The following ANKRD53 variants were observed in gnomAD, a reference collection of about 807,000 sequenced individuals.
ANKRD53 encodes ankyrin repeat domain-containing protein 53.
In ANKRD53, 27 loss-of-function variants were observed where a neutral mutation model predicts 30.1. The observed-to-expected ratio is 0.90, with a 90% CI of 0.66 to 1.24. ANKRD53 has a LOEUF of 1.24. Ranked by LOEUF, ANKRD53 falls within the 50% of genes most tolerant of loss-of-function variation. The probability of loss-of-function intolerance (pLI) is 0.00; values close to 1 mark genes in which losing one functional copy is unlikely to be tolerated. For missense variants in ANKRD53, 682 were observed against 721.0 expected, an observed-to-expected ratio of 0.95 and a Z score of 0.62; for synonymous variants, 286 against 295.4, an observed-to-expected ratio of 0.97 and a Z score of 0.33.
At chr2:70,983,341 T>C (rs1221642374) in intron 5 of ANKRD53, among the ~76,000 whole-genome samples, 2 of 152,214 alleles carry the variant, frequency 1.3e-5, no homozygotes, top group Non-Finnish European at 2.9e-5. Context: ...ACATGATGTA[T>C]GCAGAGAATG....
chr2:70,978,905 CG>C lies in ANKRD53; in HGVS notation c.170+92del. ...GGGCAGGGCCTGGAGCGGGCGGGGG[CG>C]GAGGCTGCGGCCCGAGAAGCCAGCA... On this transcript the variant is annotated intron_variant, in intron 1 of 5. Transcript: ENST00000360589. This position sits in a 1 kb window ranked among gnomAD's most constrained non-coding sequence, Gnocchi z 4.3. 1 of 1,459,652 alleles carries C rather than the reference CG, an allele frequency of 6.9e-7. No homozygotes were observed. Among genetic ancestry groups the C allele is most frequent in the South Asian group, 1.4e-5 (1 of 71,022 alleles). The allele number at this position is 1,459,652 out of a possible 1,614,324, so 90.4% of individuals were successfully genotyped here.
At chr2:70,984,227 G>C (rs781863576) in intron 5 of ANKRD53, 4 of 1,614,180 alleles carry the variant, frequency 2.5e-6, no homozygotes, top group East Asian at 2.2e-5. Flanking sequence ...GATTCCTTTG[G>C]AGAAGAAGGG....
rs1553422909 is a variant in ANKRD53, at chr2:70,978,935, A to G, written c.170+120A>G. ...GCTGCGGCCCGAGAAGCCAGCAGAG[A>G]CAGGCTGGGGCCAGGGATCGCCTCC... is the stretch of plus-strand genomic sequence containing the variant. On this transcript the variant is annotated intron_variant, in intron 1 of 5. Coordinates refer to ENST00000360589, the MANE Select transcript of ANKRD53 (RefSeq NM_001115116.2). This position sits in a 1 kb window ranked among gnomAD's most constrained non-coding sequence, Gnocchi z 4.3. 4.2e-5 allele frequency: 60 copies of G among 1,442,168 alleles called. No individual in the cohort carries two copies. Among genetic ancestry groups the G allele is most frequent in the Non-Finnish European group, 5.4e-5 (59 of 1,092,674 alleles). The allele number at this position is 1,442,168 out of a possible 1,614,324, so 89.3% of individuals were successfully genotyped here.
At chr2:70,979,949 C>A in intron 3 of ANKRD53, 89 bp downstream of exon 3, 2 of 1,468,892 alleles carry the variant, frequency 1.4e-6, no homozygotes, top group Non-Finnish European at 1.9e-6. Flanking sequence ...GCAGGACAAG[C>A]AGAGGGGTTG....
At chr2:70,983,557 C>T (rs781892177) in intron 5 of ANKRD53, among the ~76,000 whole-genome samples, 8 of 152,308 alleles carry the variant, frequency 5.3e-5, no homozygotes, top group Admixed American at 2.0e-4. Flanking sequence ...CTGCTGACTC[C>T]GGCACACCGG....
rs1419682027 is a variant in ANKRD53 at position 70,978,942 on chromosome 2, G to A, written c.170+127G>A. On this transcript the variant is annotated intron_variant, in intron 1 of 5. Transcript: ENST00000360589. This position sits in a 1 kb window ranked among gnomAD's most constrained non-coding sequence, Gnocchi z 4.3. ...CCCGAGAAGCCAGCAGAGACAGGCT[G>A]GGGCCAGGGATCGCCTCCCGAGAGG... 1 of 1,438,846 alleles carries A rather than the reference G, an allele frequency of 7.0e-7. No homozygotes were observed. The highest frequency in any genetic ancestry group is 2.6e-5 in the East Asian group (1 of 38,578). 89.1% of individuals were successfully genotyped at this position (1,438,846 alleles called of 1,614,324 possible).
chr2:70,984,533 T>C, intron 5 of ANKRD53, 78 bp from the exon 6 acceptor site: 2 of 1,556,714 alleles, frequency 1.3e-6, no homozygotes, highest in Non-Finnish European at 8.7e-7. Context: ...TTCCGAAAGC[T>C]ACAGCCACAG....
At chr2:70,980,715 G>T (rs1246646194) in intron 3 of ANKRD53, among the ~76,000 whole-genome samples, 1 of 152,196 alleles carries the variant, frequency 6.6e-6, no homozygotes, top group Admixed American at 6.5e-5. Context: ...GGAGGCTGGG[G>T]CGAGCGGATC....
rs1243927866 is a variant in ANKRD53, at chr2:70,979,011, AC to A, written c.171-84del. 3.5e-6 allele frequency: 5 copies of A among 1,445,634 alleles called. No individual in the cohort carries two copies. The East Asian group carries it at 1.2e-4, about 36-fold the overall frequency. The allele number at this position is 1,445,634 out of a possible 1,614,324, so 89.6% of individuals were successfully genotyped here. A position where few individuals can be genotyped will look rare whatever the true frequency, so the allele number is the denominator to read the frequency against. ...GAGTCGCTTCCCCACTGCCCCGCCCACCAGCCAGGCGGGGGCCAGGGATCGC... is the reference window on the plus strand; with the variant it reads ...GAGTCGCTTCCCCACTGCCCCGCCCACAGCCAGGCGGGGGCCAGGGATCGC... On this transcript the variant is annotated intron_variant, in intron 1 of 5. Transcript: ENST00000360589.
chr2:70,979,107 C>T lies in ANKRD53; in HGVS notation c.181C>T (p.Pro61Ser), dbSNP rs782063377. 3.8e-6 allele frequency: 6 copies of T among 1,598,374 alleles called. No individual in the cohort carries two copies. Among genetic ancestry groups the T allele is most frequent in the Non-Finnish European group, 5.1e-6 (6 of 1,175,240 alleles). ...AESKQPSQPL[P>S]DLADHLSAQA... ...TGCCCCGCCCTCCAGCCAGCCCCTGCCCGACCTCGCAGACCACCTCAGTGC... is the reference window on the plus strand; with the variant it reads ...TGCCCCGCCCTCCAGCCAGCCCCTGTCCGACCTCGCAGACCACCTCAGTGC... Residue 61 changes from proline to serine, a missense_variant, in exon 2 of 6, where the codon CCC (proline) becomes TCC (serine). Pro to Ser is a moderately conservative substitution (Grantham distance 74). Coordinates refer to ENST00000360589, the MANE Select transcript of ANKRD53 (RefSeq NM_001115116.2).
Position 70,982,021 on chromosome 2 carries a change from G to A in ANKRD53, c.703G>A (p.Ala235Thr), listed in dbSNP as rs782189824. ...DCVKVLVQSGANVHAQDAMGY... is the reference protein window; with the variant it reads ...DCVKVLVQSGTNVHAQDAMGY... The stretch of plus-strand genomic sequence containing the variant: ...TGTGAAGGTCCTGGTGCAGAGTGGC[G>A]CCAACGTCCATGCCCAAGATGCCAT... The change falls in exon 4 of 6, where the codon GCC becomes ACC. Residue 235 changes from alanine to threonine, a missense_variant. By Grantham distance (58) the Ala-to-Thr change is moderately conservative. Transcript: ENST00000360589. This position sits in a 1 kb window ranked among gnomAD's most constrained non-coding sequence, Gnocchi z 4.2. 18 of 1,613,452 alleles carry A rather than the reference G, an allele frequency of 1.1e-5. No homozygotes were observed. The highest frequency in any genetic ancestry group is 3.3e-5 in the South Asian group (3 of 91,006).
At chr2:70,984,501 C>T (rs1426683445) in intron 5 of ANKRD53, 110 bp from the exon 6 acceptor site, 1 of 1,535,256 alleles carries the variant, frequency 6.5e-7, no homozygotes, top group African/African-American at 1.4e-5. Context: ...CTCAGAGTTT[C>T]CCTCATCCTT....
chr2:70,978,562 C>A, upstream of ANKRD53: 1 of 1,375,292 alleles, frequency 7.3e-7, no homozygotes, highest in East Asian at 3.0e-5. This position sits in a 1 kb window ranked among gnomAD's most constrained non-coding sequence, Gnocchi z 4.3. Flanking sequence ...CCGCGGCCAG[C>A]TGGCAAGGAG....
Position 70,979,168 on chromosome 2 carries a change from C to G in ANKRD53, c.242C>G (p.Ala81Gly). 1.2e-6 allele frequency: 2 copies of G among 1,612,170 alleles called. No homozygotes were observed. Among genetic ancestry groups the G allele is most frequent in the Non-Finnish European group, 1.7e-6 (2 of 1,179,684 alleles). Residue 81 changes from alanine (A) to glycine (G), a missense_variant, in exon 2 of 6, where the codon GCC becomes GGC. By Grantham distance (60) the Ala-to-Gly change is moderately conservative (BLOSUM62 0). Transcript: ENST00000360589. ...GCCCTCGCCAGGCCGCGCCGCCCTGCCTCGCTCACCCCGCCCCGCGCTGAC... is the reference window on the plus strand; with the variant it reads ...GCCCTCGCCAGGCCGCGCCGCCCTGGCTCGCTCACCCCGCCCCGCGCTGAC... ...ATALARPRRP[A>G]SLTPPRADPS...
intron 5 of ANKRD53, among the ~76,000 whole-genome samples, chr2:70,983,615 T>C (rs2104859845): frequency 6.6e-6 from 1 of 152,312 alleles, no homozygotes; most frequent in Admixed American, 6.5e-5. Context: ...TATCCTCCTC[T>C]GATGTCAGGG....
At position 70,979,866 on chromosome 2, in the gene ANKRD53, T is replaced by C. The variant is rs145666481; in HGVS notation, c.617+6T>C. On this transcript the variant is annotated splice_donor_region_variant and intron_variant, in intron 3 of 5. Coordinates refer to ENST00000360589, the MANE Select transcript of ANKRD53 (RefSeq NM_001115116.2). ...AAAGGCGCAGACCTCAATGCGTGAG[T>C]CCAGCCTGCTTCAGGAGGGAGGCTT... 12 of 1,614,054 alleles carry C rather than the reference T, an allele frequency of 7.4e-6. No homozygotes were observed. The highest frequency in any genetic ancestry group is 1.7e-5 in the Admixed American group (1 of 60,020).
In ANKRD53 at chr2:70,982,082, A is replaced by G; in HGVS notation, c.764A>G (p.Asn255Ser). Residue 255 changes from asparagine to serine, a missense_variant, in exon 4 of 6, where the codon AAC (asparagine) becomes AGC (serine). Physicochemically the swap from Asn to Ser is conservative, Grantham distance 46. Coordinates refer to ENST00000360589, the MANE Select transcript of ANKRD53 (RefSeq NM_001115116.2). The surrounding 1 kb of genome is among the most constrained non-coding windows in gnomAD (Gnocchi z 4.2). ...YKPIDFCKIW[N>S]HRACARFLKD... ...CCCATTGACTTCTGCAAAATATGGA[A>G]CCACCGTGCCTGTGCCCGGTGAGAG... The G allele has an allele frequency of 6.2e-7, 1 of 1,610,090 alleles. No homozygotes were observed. The highest frequency in any genetic ancestry group is 8.5e-7 in the Non-Finnish European group (1 of 1,178,052).
upstream of ANKRD53, chr2:70,978,545 C>G (rs1203891710): frequency 3.6e-5 from 49 of 1,344,414 alleles, 1 homozygote; most frequent in Admixed American, 1.8e-3. The surrounding 1 kb of genome is among the most constrained non-coding windows in gnomAD (Gnocchi z 4.3). Context: ...TGGAAGGGGC[C>G]GGGAAACCGC....
upstream of ANKRD53, chr2:70,978,618 C>G: frequency 1.3e-6 from 2 of 1,505,506 alleles, no homozygotes; most frequent in Non-Finnish European, 1.8e-6. The surrounding 1 kb of genome is among the most constrained non-coding windows in gnomAD (Gnocchi z 4.3). Flanking sequence ...GTAGCCCGCC[C>G]GGCCCGGGTC....
Sources: allele counts gnomAD v4.1 joint callset (sites outside exome capture counted in the v4.1 genomes callset), GRCh38; gene constraint gnomAD v4.1.1; non-coding constraint Gnocchi (gnomAD v3.1); transcripts MANE v1.5; gene names NCBI Gene and HGNC (gene_info 2026-07-23, HGNC 2026-07-21).